The following LMBR1 variants were observed in gnomAD, a reference collection of about 807,000 sequenced individuals.
LMBR1 encodes limb development membrane protein 1.
Under a neutral mutation model 73.9 loss-of-function variants are expected in LMBR1, and 52 were observed. The ratio of observed to expected loss-of-function variants is 0.70; its 90% CI spans 0.56 to 0.89. The LOEUF is 0.89. Ranked by LOEUF, LMBR1 falls within the 40% of genes least tolerant of loss-of-function variation. The pLI, the probability that LMBR1 is intolerant of heterozygous loss-of-function variation, is 0.00. For missense variants in LMBR1, 539 were observed against 579.8 expected, an observed-to-expected ratio of 0.93 and a Z score of 0.72; for synonymous variants, 215 against 209.4, an observed-to-expected ratio of 1.03 and a Z score of -0.23.
At chr7:156,868,038 T>A (rs962365186) in intron 1 of LMBR1, among the ~76,000 whole-genome samples, 3 of 152,102 alleles carry the variant, frequency 2.0e-5, no homozygotes, top group Non-Finnish European at 4.4e-5. Flanking sequence ...AAAATTTTTT[T>A]AATAAAAATA....
Position 156,698,391 on chromosome 7 carries a change from G to A in LMBR1, c.1226-10200C>T, listed in dbSNP as rs149150154. On this transcript the variant is annotated intron_variant, in intron 15 of 16. Transcript: ENST00000353442. ...GCCCCAGTAGGGACTCCGTGTGGGG[G>A]CTCTGACCCCACATTTTCATTCCGT... 6.0e-3 allele frequency among the ~76,000 whole-genome samples: 911 copies of A among 152,296 alleles called. 20 individuals carry two copies. In the South Asian group the frequency reaches 0.079, roughly 13 times the overall value.
chr7:156,893,138 C>T lies in LMBR1; in HGVS notation c.-145G>A. On this transcript the variant is annotated 5_prime_UTR_variant, in exon 1 of 17. It adds an upstream start codon to the 5' untranslated region. Coordinates refer to ENST00000353442, the MANE Select transcript of LMBR1 (RefSeq NM_022458.4). ...CGTGTTGGAACAGGTACCGCGACCA[C>T]GACACCGGCCGTCGCCTCAGCAGCC... is the stretch of plus-strand genomic sequence containing the variant. 1.4e-6 allele frequency: 1 copy of T among 709,864 alleles called. No individual in the cohort carries two copies. Among genetic ancestry groups the T allele is most frequent in the Non-Finnish European group, 2.0e-6 (1 of 502,442 alleles). 44.0% of individuals were successfully genotyped at this position (709,864 alleles called of 1,614,324 possible).
At chr7:156,676,888 T>A, downstream of LMBR1, 3 of 482,308 alleles carry the variant, frequency 6.2e-6, no homozygotes, top group African/African-American at 1.9e-5. Context: ...ACTTCAAATA[T>A]GAATAGCAAA....
At chr7:156,877,531 T>A (rs1040741080) in intron 1 of LMBR1, among the ~76,000 whole-genome samples, 1 of 151,716 alleles carries the variant, frequency 6.6e-6, no homozygotes, top group Non-Finnish European at 1.5e-5. Context: ...CAAAAACATA[T>A]CAAAAAGGTA....
chr7:156,725,742 C>T lies in LMBR1; in HGVS notation c.1067+22G>A, dbSNP rs766110565. The stretch of plus-strand genomic sequence containing the variant: ...GTATAAAATTTGTGGATAGGCTGAA[C>T]GTTCAGTTAAAGAAAGGATACAAAA... On this transcript the variant is annotated intron_variant, in intron 13 of 16. Transcript: ENST00000353442. 5.0e-6 allele frequency: 8 copies of T among 1,604,908 alleles called. No individual in the cohort carries two copies. The East Asian group carries it at 6.7e-5, about 13-fold the overall frequency.
At chr7:156,836,762 T>G in intron 2 of LMBR1, 51 bp downstream of exon 2, 1 of 1,193,372 alleles carries the variant, frequency 8.4e-7, no homozygotes, top group Non-Finnish European at 1.2e-6. Flanking sequence ...ATACCATGCC[T>G]AGACCATGTG....
chr7:156,810,517 C>T (rs113167312), intron 4 of LMBR1, among the ~76,000 whole-genome samples: 4,836 of 152,178 alleles, frequency 0.032, 121 homozygotes, highest in South Asian at 0.084. Context: ...CTCAGCCTCC[C>T]GAGTAGCTGG....
chr7:156,809,994 A>G (rs369988427), intron 4 of LMBR1, among the ~76,000 whole-genome samples: 2 of 152,058 alleles, frequency 1.3e-5, no homozygotes, highest in African/African-American at 4.8e-5. Context: ...AGAAACACCA[A>G]CTACATCACT....
At chr7:156,713,015 ATAAAT>A (rs990944047) in intron 15 of LMBR1, among the ~76,000 whole-genome samples, 7 of 152,248 alleles carry the variant, frequency 4.6e-5, no homozygotes, top group Non-Finnish European at 1.0e-4. Flanking sequence ...TTATACAAAA[ATAAAT>A]TAAACTGTGG....
intron 5 of LMBR1, among the ~76,000 whole-genome samples, chr7:156,787,471 TA>T (rs34665317): frequency 2.0e-5 from 3 of 152,066 alleles, no homozygotes; most frequent in South Asian, 4.2e-4. Context: ...ACCAACTATG[TA>T]AAAAAAACTC....
chr7:156,880,656 G>A lies in LMBR1; in HGVS notation c.66+12272C>T, dbSNP rs571770445. ...ATGCAATCCCTATCAAAATCCCAAT[G>A]GTATTTTTTTTTCTGAGACGGAGTC... On this transcript the variant is annotated intron_variant, in intron 1 of 16. Transcript: ENST00000353442. Among the ~76,000 whole-genome samples, 7 of 150,020 alleles carry A rather than the reference G, an allele frequency of 4.7e-5. No homozygotes were observed. In the South Asian group the frequency reaches 1.3e-3, roughly 27 times the overall value.
downstream of LMBR1, chr7:156,676,175 G>C (rs1803956210): frequency 4.1e-6 from 5 of 1,212,026 alleles, no homozygotes; most frequent in Non-Finnish European, 5.6e-6. Flanking sequence ...GTTCCTGTTG[G>C]ATGTTGCTTA....
chr7:156,891,239 C>T (rs1269097362), intron 1 of LMBR1, among the ~76,000 whole-genome samples: 9 of 124,076 alleles, frequency 7.3e-5, no homozygotes, highest in Non-Finnish European at 1.5e-4. Flanking sequence ...TATATACACA[C>T]ACACACACAC....
At chr7:156,714,268 T>C (rs1432858941) in intron 15 of LMBR1, among the ~76,000 whole-genome samples, 2 of 152,202 alleles carry the variant, frequency 1.3e-5, no homozygotes, top group African/African-American at 2.4e-5. Flanking sequence ...AACGGAAAAC[T>C]GCACCAAGTG....
At chr7:156,775,516 G>T (rs74523067) in intron 5 of LMBR1, among the ~76,000 whole-genome samples, 1 of 152,072 alleles carries the variant, frequency 6.6e-6, no homozygotes, top group Non-Finnish European at 1.5e-5. Flanking sequence ...CTTCCATAGC[G>T]TAAGACATTA....
At chr7:156,802,231 C>T (rs1362967083) in intron 4 of LMBR1, among the ~76,000 whole-genome samples, 14 of 152,224 alleles carry the variant, frequency 9.2e-5, no homozygotes, top group African/African-American at 3.1e-4. Flanking sequence ...GATCCACTCG[C>T]TTCGGCCTTC....
intron 5 of LMBR1, among the ~76,000 whole-genome samples, chr7:156,767,103 T>TG (rs1334768628): frequency 6.6e-6 from 1 of 152,104 alleles, no homozygotes; most frequent in Non-Finnish European, 1.5e-5. Context: ...TGACCTCAGA[T>TG]GCTTAGGAAA....
chr7:156,809,136 T>C (rs1173326138), intron 4 of LMBR1, among the ~76,000 whole-genome samples: 1 of 152,198 alleles, frequency 6.6e-6, no homozygotes, highest in African/African-American at 2.4e-5. Flanking sequence ...AGTTAAGATA[T>C]ATTCCCTCGG....
At chr7:156,777,000 C>T (rs372813750) in intron 5 of LMBR1, among the ~76,000 whole-genome samples, 1 of 151,244 alleles carries the variant, frequency 6.6e-6, no homozygotes, top group South Asian at 2.1e-4. Flanking sequence ...GGCACGATCT[C>T]GGCTCACCGC....
Sources: allele counts gnomAD v4.1 joint callset (sites outside exome capture counted in the v4.1 genomes callset), GRCh38; gene constraint gnomAD v4.1.1; transcripts MANE v1.5; gene names NCBI Gene and HGNC (gene_info 2026-07-23, HGNC 2026-07-21).